Variants in GRM7 observed in about 807,000 individuals in gnomAD.
GRM7 encodes glutamate metabotropic receptor 7, also known as metabotropic glutamate receptor 7.
GRM7 carries 35 observed loss-of-function variants against 84.5 expected under a neutral mutation model. The observed-to-expected ratio is 0.41, with a 90% CI of 0.32 to 0.55. GRM7 has a LOEUF of 0.55. GRM7 is among the 20% of genes least tolerant of loss of function. GRM7 has a pLI of 0.19. For synonymous variants in GRM7, 487 were observed against 455.1 expected, an observed-to-expected ratio of 1.07 and a Z score of -0.89; for missense variants, 1,003 against 1,194.6, an observed-to-expected ratio of 0.84 and a Z score of 2.36.
At chr3:7,121,170 G>T (rs549657467) in intron 1 of GRM7, among the ~76,000 whole-genome samples, 1 of 152,188 alleles carries the variant, frequency 6.6e-6, no homozygotes, top group South Asian at 2.1e-4. Flanking sequence ...ATTTAAAGTT[G>T]GTCCAACAAC....
At chr3:6,973,098 C>A (rs1693827026) in intron 1 of GRM7, among the ~76,000 whole-genome samples, 1 of 152,160 alleles carries the variant, frequency 6.6e-6, no homozygotes, top group African/African-American at 2.4e-5. Flanking sequence ...GTATATCAAC[C>A]ATAAAGACTG....
chr3:7,145,581 T>C (rs758543102), intron 1 of GRM7, among the ~76,000 whole-genome samples: 18 of 152,140 alleles, frequency 1.2e-4, no homozygotes, highest in Non-Finnish European at 2.6e-4. Context: ...CCAATGATGC[T>C]AAGAAATAAA....
At chr3:7,035,438 G>C (rs1192159216) in intron 1 of GRM7, among the ~76,000 whole-genome samples, 1 of 152,140 alleles carries the variant, frequency 6.6e-6, no homozygotes, top group Non-Finnish European at 1.5e-5. Context: ...TTTCAATACA[G>C]AAGGAGCAAG....
chr3:7,292,656 G>A (rs935255996), intron 2 of GRM7, among the ~76,000 whole-genome samples: 6 of 151,676 alleles, frequency 4.0e-5, no homozygotes, highest in African/African-American at 9.7e-5. Flanking sequence ...TTCTCCATGT[G>A]TAATGGAGAA....
At chr3:7,043,861 C>A (rs1317152179) in intron 1 of GRM7, among the ~76,000 whole-genome samples, 2 of 152,186 alleles carry the variant, frequency 1.3e-5, no homozygotes, top group Non-Finnish European at 2.9e-5. Flanking sequence ...CCTGCTCCGC[C>A]TCCCAGAGGA....
At chr3:7,699,159 G>A (rs923794894) in intron 9 of GRM7, among the ~76,000 whole-genome samples, 1 of 152,168 alleles carries the variant, frequency 6.6e-6, no homozygotes, top group Non-Finnish European at 1.5e-5. Flanking sequence ...AGTCAATCCT[G>A]ACCTGAAAGT....
intron 1 of GRM7, among the ~76,000 whole-genome samples, chr3:7,050,975 TGTGA>T (rs1559407159): frequency 6.6e-6 from 1 of 151,906 alleles, no homozygotes. Context: ...TCCACAGGAC[TGTGA>T]GTAACAGTAT....
At chr3:7,239,857 C>G (rs1182737985) in intron 2 of GRM7, among the ~76,000 whole-genome samples, 1 of 152,174 alleles carries the variant, frequency 6.6e-6, no homozygotes, top group Non-Finnish European at 1.5e-5. Flanking sequence ...TAGTTCTGCC[C>G]TTCTCCTGAA....
At chr3:7,204,873 G>T (rs1487578043) in intron 2 of GRM7, among the ~76,000 whole-genome samples, 4 of 152,148 alleles carry the variant, frequency 2.6e-5, no homozygotes, top group African/African-American at 9.7e-5. Context: ...TTATGTTTTA[G>T]GTCAATATGT....
At chr3:6,993,590 G>T (rs1039227036) in intron 1 of GRM7, among the ~76,000 whole-genome samples, 4 of 152,148 alleles carry the variant, frequency 2.6e-5, no homozygotes, top group Admixed American at 2.0e-4. Flanking sequence ...AACTTGAAAA[G>T]AAAAGCATAT....
At chr3:7,116,018 C>T (rs1693019316) in intron 1 of GRM7, among the ~76,000 whole-genome samples, 1 of 152,114 alleles carries the variant, frequency 6.6e-6, no homozygotes, top group Admixed American at 6.6e-5. Context: ...TATGCAAAGA[C>T]CCTGGCAATA....
At chr3:7,082,247 G>T (rs1274654609) in intron 1 of GRM7, among the ~76,000 whole-genome samples, 2 of 152,074 alleles carry the variant, frequency 1.3e-5, no homozygotes, top group Admixed American at 1.3e-4. Context: ...CTGACTTTAA[G>T]TTGAAGACAA....
At chr3:7,226,173 A>ATTTG in intron 2 of GRM7, among the ~76,000 whole-genome samples, 1 of 152,312 alleles carries the variant, frequency 6.6e-6, no homozygotes, top group African/African-American at 2.4e-5. Context: ...TGTGTAACAA[A>ATTTG]TCACTGCACA....
chr3:7,568,929 G>C (rs1464306041), intron 7 of GRM7, among the ~76,000 whole-genome samples: 1 of 152,086 alleles, frequency 6.6e-6, no homozygotes, highest in African/African-American at 2.4e-5. Context: ...GCCGCCCCCT[G>C]CTCCACCGGT....
chr3:7,444,152 G>A (rs1280907967), intron 5 of GRM7, among the ~76,000 whole-genome samples: 2 of 152,156 alleles, frequency 1.3e-5, no homozygotes, highest in African/African-American at 4.8e-5. Context: ...ACAGATTCAT[G>A]AATGTCCTGA....
chr3:7,037,603 C>A (rs1421597916), intron 1 of GRM7, among the ~76,000 whole-genome samples: 1 of 152,114 alleles, frequency 6.6e-6, no homozygotes, highest in Non-Finnish European at 1.5e-5. Context: ...TTTTTCCACA[C>A]CTCTTGAGGA....
intron 2 of GRM7, among the ~76,000 whole-genome samples, chr3:7,232,638 T>G (rs1200267167): frequency 2.0e-5 from 3 of 152,216 alleles, no homozygotes; most frequent in African/African-American, 4.8e-5. Context: ...TGAGAGGCTT[T>G]TTCACATTTT....
At chr3:7,698,253 C>T (rs554988600) in intron 9 of GRM7, among the ~76,000 whole-genome samples, 4 of 152,088 alleles carry the variant, frequency 2.6e-5, no homozygotes, top group South Asian at 2.1e-4. Flanking sequence ...GCAGAGGGAT[C>T]GTCCTCAATA....
chr3:7,714,758 G>C (rs977184162), intron 9 of GRM7, among the ~76,000 whole-genome samples: 1 of 152,200 alleles, frequency 6.6e-6, no homozygotes, highest in Admixed American at 6.5e-5. Context: ...TCCAAGAACA[G>C]TTTGGGTCCT....
Sources: allele counts gnomAD v4.1 joint callset (sites outside exome capture counted in the v4.1 genomes callset), GRCh38; gene constraint gnomAD v4.1.1; transcripts MANE v1.5; gene names NCBI Gene and HGNC (gene_info 2026-07-23, HGNC 2026-07-21).